Variants in FAM227B observed in about 807,000 individuals in gnomAD.
The protein encoded by FAM227B is family with sequence similarity 227 member B.
Under a neutral mutation model 73.8 loss-of-function variants are expected in FAM227B, and 88 were observed. The ratio of observed to expected loss-of-function variants is 1.19; its 90% CI spans 1.00 to 1.42. The LOEUF (loss-of-function observed/expected upper bound fraction) is 1.42. Ranked by LOEUF, FAM227B falls within the 40% of genes most tolerant of loss-of-function variation. The probability of loss-of-function intolerance (pLI) is 0.00; values close to 1 mark genes in which losing one functional copy is unlikely to be tolerated. For missense variants in FAM227B, 632 were observed against 590.9 expected (o/e 1.07, Z -0.72); for synonymous variants, 210 against 190.5 (o/e 1.10, Z -0.84).
At chr15:49,542,697 C>A (rs2071247558) in intron 9 of FAM227B, among the ~76,000 whole-genome samples, 1 of 148,320 alleles carries the variant, frequency 6.7e-6, no homozygotes, top group Non-Finnish European at 1.5e-5. Flanking sequence ...GAGTAGTATT[C>A]CATTTTATAT....
At chr15:49,472,631 C>T (rs374686399) in intron 11 of FAM227B, among the ~76,000 whole-genome samples, 21 of 152,104 alleles carry the variant, frequency 1.4e-4, no homozygotes, top group East Asian at 1.2e-3. Context: ...GAGAAAAATG[C>T]GTACATATGA....
Position 49,367,473 on chromosome 15 carries a change from T to C in FAM227B, c.1246A>G (p.Lys416Glu). Reference sequence around the variant, plus strand: ...GGTTCCTGGAATATCTTAGTGAGTTTAATCTTGGTTTTCTTAGGTGCTTTG... The same window carrying C: ...GGTTCCTGGAATATCTTAGTGAGTTCAATCTTGGTTTTCTTAGGTGCTTTG... ...ISKAPKKTKI[K>E]LTKIFQEPLP... Residue 416 changes from lysine to glutamate, a missense_variant, in exon 13 of 16, where the codon AAA becomes GAA. Physicochemically the swap from Lys to Glu is moderately conservative, Grantham distance 56. Transcript: ENST00000299338. The C allele has an allele frequency of 6.3e-7, 1 of 1,595,552 alleles. No homozygotes were observed.
chr15:49,477,679 A>G (rs147132660), intron 11 of FAM227B, among the ~76,000 whole-genome samples: 1 of 152,312 alleles, frequency 6.6e-6, no homozygotes, highest in East Asian at 1.9e-4. Flanking sequence ...TTTCAATTCA[A>G]TTGGGCAAAA....
At position 49,462,199 on chromosome 15, in the gene FAM227B, A is replaced by C. The variant is rs558885467; in HGVS notation, c.1012+46012T>G. ...TGAGGATCTGGGATGACTTAGGAGG[A>C]TCTGGGATGAAAAAAAGATTGATTA... On this transcript the variant is annotated intron_variant, in intron 11 of 15. Transcript: ENST00000299338. 9.9e-5 allele frequency among the ~76,000 whole-genome samples: 15 copies of C among 152,236 alleles called. No individual in the cohort carries two copies. In the South Asian group the frequency reaches 2.5e-3, roughly 25 times the overall value.
chr15:49,521,205 G>T (rs1163097097), intron 10 of FAM227B, among the ~76,000 whole-genome samples: 1 of 152,170 alleles, frequency 6.6e-6, no homozygotes, highest in African/African-American at 2.4e-5. Context: ...CTGGAAACAT[G>T]CTCTGGAACA....
At chr15:49,344,504 C>T (rs2041185744) in intron 13 of FAM227B, among the ~76,000 whole-genome samples, 1 of 152,168 alleles carries the variant, frequency 6.6e-6, no homozygotes, top group South Asian at 2.1e-4. Context: ...CTCTCATCCC[C>T]AATTGTGTGT....
chr15:49,389,553 T>C (rs1022415203), intron 11 of FAM227B, among the ~76,000 whole-genome samples: 2 of 151,834 alleles, frequency 1.3e-5, no homozygotes, highest in East Asian at 3.9e-4. Flanking sequence ...ACTTGGGTGA[T>C]GGGTGCACTA....
In FAM227B at chr15:49,358,189, G is replaced by T. The variant is rs959751057; in HGVS notation, c.1271+9259C>A. On this transcript the variant is annotated intron_variant, in intron 13 of 15. Coordinates refer to ENST00000299338, the MANE Select transcript of FAM227B (RefSeq NM_152647.3). The stretch of plus-strand genomic sequence containing the variant: ...TTGAAAAGTGGCACAAGACAGGGAT[G>T]CCCTCCTCACCACTCCTATTCAACA... 5.9e-5 allele frequency among the ~76,000 whole-genome samples: 9 copies of T among 151,536 alleles called. 1 individual carries two copies. Among genetic ancestry groups the T allele is most frequent in the African/African-American group, 2.2e-4 (9 of 41,132 alleles).
chr15:49,499,746 C>T (rs2057983487), intron 11 of FAM227B, among the ~76,000 whole-genome samples: 1 of 152,108 alleles, frequency 6.6e-6, no homozygotes, highest in African/African-American at 2.4e-5. Flanking sequence ...CAATTGATTT[C>T]CAAGATAATT....
chr15:49,592,762 C>T (rs997313444), intron 3 of FAM227B, among the ~76,000 whole-genome samples: 19 of 152,222 alleles, frequency 1.2e-4, no homozygotes, highest in African/African-American at 4.3e-4. Flanking sequence ...AAGTTGTCTG[C>T]TGCCTTTTGT....
chr15:49,476,243 T>TTTTTTTTTTTTC (rs2055299396), intron 11 of FAM227B, among the ~76,000 whole-genome samples: 1 of 149,910 alleles, frequency 6.7e-6, no homozygotes, highest in Non-Finnish European at 1.5e-5. Context: ...TTTTTTTTTT[T>TTTTTTTTTTTTC]TTGCATTTGG....
chr15:49,339,812 G>A (rs2040395763), intron 13 of FAM227B, among the ~76,000 whole-genome samples: 1 of 152,138 alleles, frequency 6.6e-6, no homozygotes, highest in Non-Finnish European at 1.5e-5. Context: ...TTTTTTCAGA[G>A]ATGCCCTGCC....
chr15:49,516,243 TC>T (rs1381864654), intron 10 of FAM227B, among the ~76,000 whole-genome samples: 1 of 152,152 alleles, frequency 6.6e-6, no homozygotes, highest in African/African-American at 2.4e-5. Flanking sequence ...TGTCACACTA[TC>T]CCTAAGCTTT....
intron 11 of FAM227B, among the ~76,000 whole-genome samples, chr15:49,383,130 T>G (rs2046648092): frequency 6.6e-6 from 1 of 152,066 alleles, no homozygotes; most frequent in Admixed American, 6.6e-5. Context: ...TAAATCTGGA[T>G]TAAAAAAAGC....
At chr15:49,530,533 A>G (rs1254304664) in intron 10 of FAM227B, among the ~76,000 whole-genome samples, 1 of 151,872 alleles carries the variant, frequency 6.6e-6, no homozygotes, top group East Asian at 1.9e-4. Flanking sequence ...CTGCAAGAAA[A>G]AAAAGTTAAC....
intron 11 of FAM227B, among the ~76,000 whole-genome samples, chr15:49,460,824 G>A (rs1289095723): frequency 2.0e-5 from 3 of 152,140 alleles, no homozygotes; most frequent in Non-Finnish European, 4.4e-5. Flanking sequence ...TTGTGTGTGA[G>A]GCAGATATCA....
rs561551480 is a variant in FAM227B at position 49,593,395 on chromosome 15, A to T, written c.106-3388T>A. Among the ~76,000 whole-genome samples the T allele has an allele frequency of 4.0e-4, 61 of 151,868 alleles. 1 individual carries two copies. Among genetic ancestry groups the T allele is most frequent in the African/African-American group, 8.9e-4 (37 of 41,434 alleles). On this transcript the variant is annotated intron_variant, in intron 3 of 15. Transcript: ENST00000299338. ...GAGCATTTACTTTCTTATTTTAAAA[A>T]TTTTTTTTGCTGTCAGAATCTGCAT...
At chr15:49,378,450 C>T (rs1241171098) in intron 11 of FAM227B, among the ~76,000 whole-genome samples, 2 of 151,470 alleles carry the variant, frequency 1.3e-5, no homozygotes, top group Admixed American at 6.6e-5. Context: ...AATATTTTTC[C>T]AATATTTCTA....
At chr15:49,501,792 C>A (rs925532234) in intron 11 of FAM227B, among the ~76,000 whole-genome samples, 5 of 152,192 alleles carry the variant, frequency 3.3e-5, no homozygotes, top group Admixed American at 1.3e-4. Context: ...AAATCTAAGA[C>A]ACAGGTCCTC....
Sources: gnomAD v4.1 joint callset for allele counts (sites outside exome capture counted in the v4.1 genomes callset) on GRCh38, gnomAD v4.1.1 for gene constraint, MANE v1.5 for transcripts, NCBI Gene and HGNC (gene_info 2026-07-23, HGNC 2026-07-21) for gene names.